BDP1: variants seen among roughly 807,000 people sequenced by gnomAD.
BDP1 encodes the protein transcription factor TFIIIB component B'' homolog.
In BDP1, 169 loss-of-function variants were observed where a neutral mutation model predicts 266.6. The observed-to-expected ratio is 0.63, with a 90% CI of 0.56 to 0.72. The LOEUF (loss-of-function observed/expected upper bound fraction) is 0.72, where lower values mean the gene tolerates loss of function less well. BDP1 is among the 30% of genes least tolerant of loss of function. BDP1 has a pLI of 0.00. For synonymous variants in BDP1, 1,090 were observed against 1,022.4 expected, an observed-to-expected ratio of 1.07 and a Z score of -1.26; for missense variants, 3,015 against 3,053.8, an observed-to-expected ratio of 0.99 and a Z score of 0.30.
At chr5:71,548,867 C>T (rs886754616) in intron 33 of BDP1, 122 bp downstream of exon 33, 10 of 726,424 alleles carry the variant, frequency 1.4e-5, no homozygotes, top group African/African-American at 1.2e-4. Context: ...AAATTTAAAA[C>T]GTTTTATAGA....
In BDP1 at chr5:71,514,945, A is replaced by G. The variant is rs1765143104; in HGVS notation, c.4472A>G (p.Asp1491Gly). The G allele has an allele frequency of 2.5e-6, 4 of 1,595,236 alleles. No homozygotes were observed. Among genetic ancestry groups the G allele is most frequent in the Non-Finnish European group, 2.6e-6 (3 of 1,174,522 alleles). ...EQTDTLPSQH[D>G]EASLMISREK... ...TGAAATTTTTTTTCTGTCTTCTAGGATGAAGCTTCCCTAATGATATCAAGA... is the reference window on the plus strand; with the variant it reads ...TGAAATTTTTTTTCTGTCTTCTAGGGTGAAGCTTCCCTAATGATATCAAGA... Residue 1491 changes from aspartate (D) to glycine (G), a missense_variant and splice_region_variant, in exon 20 of 39, where the codon GAT becomes GGT. Transcript: ENST00000358731.
At chr5:71,504,285 A>G (rs867375767) in intron 15 of BDP1, among the ~76,000 whole-genome samples, 25 of 151,834 alleles carry the variant, frequency 1.6e-4, no homozygotes, top group African/African-American at 5.5e-4. Flanking sequence ...AAAAAAAAAA[A>G]AAGAAAAAAA....
chr5:71,540,989 TTATC>T (rs748425062), intron 28 of BDP1, among the ~76,000 whole-genome samples: 50 of 152,186 alleles, frequency 3.3e-4, no homozygotes, highest in Non-Finnish European at 5.6e-4. Flanking sequence ...AACCATGTAT[TTATC>T]AGGAAAGTCT....
intron 13 of BDP1, among the ~76,000 whole-genome samples, chr5:71,498,822 C>T (rs1251758049): frequency 6.6e-6 from 1 of 151,480 alleles, no homozygotes; most frequent in Non-Finnish European, 1.5e-5. Context: ...CTCCCAGGTT[C>T]AAGCTATTCT....
In BDP1 at chr5:71,541,611, A is replaced by G; in HGVS notation, c.6180A>G (p.Val2060=). The change falls in exon 29 of 39, where the codon GTA becomes GTG. Residue 2060 remains valine, a synonymous_variant. Coordinates refer to ENST00000358731, the MANE Select transcript of BDP1 (RefSeq NM_018429.3). ...SPASFEENKI[V]LEEQSSREEI... is the part of the protein sequence containing the mutation. Reference sequence around the variant, plus strand: ...CATCATTTGAAGAAAACAAGATTGTATTGGAGGAACAAAGTTCCAGAGAAG... The same window carrying G: ...CATCATTTGAAGAAAACAAGATTGTGTTGGAGGAACAAAGTTCCAGAGAAG... 1 of 1,612,610 alleles carries G rather than the reference A, an allele frequency of 6.2e-7. No individual in the cohort carries two copies. Among genetic ancestry groups the G allele is most frequent in the Non-Finnish European group, 8.5e-7 (1 of 1,179,350 alleles).
intron 20 of BDP1, 148 bp downstream of exon 20, chr5:71,515,270 T>A: frequency 1.5e-6 from 1 of 647,526 alleles, no homozygotes; most frequent in Non-Finnish European, 2.5e-6. Flanking sequence ...CTGCCTAAAA[T>A]ATAATATCAG....
At chr5:71,536,186 T>G (rs1271152747) in intron 26 of BDP1, among the ~76,000 whole-genome samples, 2 of 152,180 alleles carry the variant, frequency 1.3e-5, no homozygotes, top group Non-Finnish European at 2.9e-5. Flanking sequence ...TTTTATTGGT[T>G]GTGTTGAGGA....
chr5:71,558,051 G>A (rs151094495), intron 36 of BDP1, among the ~76,000 whole-genome samples: 3,807 of 152,206 alleles, frequency 0.025, 73 homozygotes, highest in South Asian at 0.074. Flanking sequence ...ATACAACTCT[G>A]TTTTTCATTT....
chr5:71,564,639 C>A, intron 38 of BDP1, 115 bp from the exon 39 acceptor site: 1 of 886,518 alleles, frequency 1.1e-6, no homozygotes, highest in Non-Finnish European at 1.6e-6. Context: ...ATATTTATTG[C>A]CACGTTGCTT....
At chr5:71,546,416 C>G (rs1435916453) in intron 32 of BDP1, among the ~76,000 whole-genome samples, 1 of 151,736 alleles carries the variant, frequency 6.6e-6, no homozygotes, top group Non-Finnish European at 1.5e-5. Context: ...GTCAGGAGTT[C>G]AAGAACAGCC....
At chr5:71,527,842 GA>G (rs112552778) in intron 25 of BDP1, among the ~76,000 whole-genome samples, 2,324 of 149,112 alleles carry the variant, frequency 0.016, 64 homozygotes, top group African/African-American at 0.054. Context: ...TTTTGAGATG[GA>G]GTCTCTGTTG....
Position 71,455,810 on chromosome 5 carries a change from G to C in BDP1, c.-68G>C. ...GGGCGTAGTTCCTAATCCCCTTTCC[G>C]GGCAGCCGCCGGGGCTCGGGGCTGT... On this transcript the variant is annotated 5_prime_UTR_variant, in exon 1 of 39. Coordinates refer to ENST00000358731, the MANE Select transcript of BDP1 (RefSeq NM_018429.3). 2 of 1,400,420 alleles carry C rather than the reference G, an allele frequency of 1.4e-6. No homozygotes were observed. The highest frequency in any genetic ancestry group is 2.3e-5 in the Admixed American group (1 of 43,214). 86.7% of individuals were successfully genotyped at this position (1,400,420 alleles called of 1,614,324 possible).
chr5:71,486,764 T>C (rs1258381094), intron 9 of BDP1, 137 bp downstream of exon 9: 1 of 660,862 alleles, frequency 1.5e-6, no homozygotes, highest in Non-Finnish European at 2.4e-6. Context: ...GGAGTATATG[T>C]TTTTTCAATC....
intron 6 of BDP1, 34 bp from the exon 7 acceptor site, chr5:71,470,361 A>G: frequency 7.1e-7 from 1 of 1,406,986 alleles, no homozygotes; most frequent in Non-Finnish European, 1.0e-6. Context: ...GATATAATTA[A>G]TTTTCAATCA....
intron 11 of BDP1, among the ~76,000 whole-genome samples, chr5:71,494,137 C>T (rs527451733): frequency 1.6e-4 from 25 of 152,010 alleles, no homozygotes; most frequent in African/African-American, 5.5e-4. Flanking sequence ...AAATAAAAGG[C>T]AAGTTACTGA....
At chr5:71,476,401 A>C (rs1167097955) in intron 7 of BDP1, 2 of 152,218 alleles carry the variant, frequency 1.3e-5, no homozygotes, top group African/African-American at 4.8e-5. Context: ...TCTTGAATGC[A>C]GGCACTTCTG....
At chr5:71,555,405 T>G (rs1458296815) in intron 35 of BDP1, among the ~76,000 whole-genome samples, 1 of 152,056 alleles carries the variant, frequency 6.6e-6, no homozygotes, top group Non-Finnish European at 1.5e-5. Context: ...GGGGCCAGTA[T>G]CATCATACTG....
At chr5:71,532,531 C>A in intron 26 of BDP1, 104 bp downstream of exon 26, 1 of 1,105,802 alleles carries the variant, frequency 9.0e-7, no homozygotes, top group Non-Finnish European at 1.3e-6. Flanking sequence ...CTTTACTTAG[C>A]TAATTTCTCT....
At position 71,523,050 on chromosome 5, in the gene BDP1, A is replaced by G. The variant is rs156753; in HGVS notation, c.5387+101A>G. 0.49 allele frequency: 419,582 copies of G among 860,866 alleles called. 102,852 individuals carry two copies. Among genetic ancestry groups the G allele is most frequent in the South Asian group, 0.55 (26,424 of 48,116 alleles). 53.3% of individuals were successfully genotyped at this position (860,866 alleles called of 1,614,324 possible). A position where few individuals can be genotyped will look rare whatever the true frequency, so the allele number is the denominator to read the frequency against. ...AACAAAATTTTTGGGTGTTGAGTCC[A>G]TTAGACATGGGTAGAAACTTGACCA... On this transcript the variant is annotated intron_variant, in intron 24 of 38. Transcript: ENST00000358731.
Sources: allele counts gnomAD v4.1 joint callset (sites outside exome capture counted in the v4.1 genomes callset), GRCh38; gene constraint gnomAD v4.1.1; transcripts MANE v1.5; gene names NCBI Gene and HGNC (gene_info 2026-07-23, HGNC 2026-07-21).